The following SHROOM4 variants were observed in gnomAD, a reference collection of about 807,000 sequenced individuals.
SHROOM4 encodes shroom family member 4.
In SHROOM4, 17 loss-of-function variants were observed where a neutral mutation model predicts 80.3. That is an observed-to-expected ratio of 0.21 (90% confidence interval 0.14 to 0.32). The LOEUF (loss-of-function observed/expected upper bound fraction) is 0.32. SHROOM4 is among the 10% of genes least tolerant of loss of function. The pLI is 1.00. For synonymous variants in SHROOM4, 400 were observed against 437.5 expected (o/e 0.91, Z 1.07); for missense variants, 993 against 1,140.3 (o/e 0.87, Z 1.86).
intron 1 of SHROOM4, among the ~76,000 whole-genome samples, chrX:50,755,045 C>T (rs1241933719): frequency 1.8e-5 from 2 of 112,224 alleles, no homozygotes; most frequent in Admixed American, 9.4e-5. Flanking sequence ...GGCACAGTGC[C>T]TGGCACAGTT....
chrX:50,650,867 A>G (rs1932024429), intron 2 of SHROOM4, among the ~76,000 whole-genome samples: 1 of 111,998 alleles, frequency 8.9e-6, no homozygotes, highest in Non-Finnish European at 1.9e-5. Flanking sequence ...CTTTTTTTCC[A>G]CATAATTTTG....
intron 1 of SHROOM4, among the ~76,000 whole-genome samples, chrX:50,697,339 TCTA>T (rs1933397149): frequency 9.0e-6 from 1 of 111,450 alleles, no homozygotes; most frequent in Admixed American, 9.5e-5. Flanking sequence ...TTTTTACACT[TCTA>T]CTCTTGTTCC....
In SHROOM4 at chrX:50,734,711, G is replaced by A. The variant is rs782067302; in HGVS notation, c.118-38774C>T. ...ATTACAGGCATGAGCTGCTGTGCCC[G>A]GCCCCAGTCTCATCTTGAATTGTAG... On this transcript the variant is annotated intron_variant, in intron 1 of 8. Coordinates refer to ENST00000376020, the MANE Select transcript of SHROOM4 (RefSeq NM_020717.5). 7.2e-5 allele frequency among the ~76,000 whole-genome samples: 8 copies of A among 111,342 alleles called. No individual in the cohort carries two copies. In the South Asian group the frequency reaches 1.5e-3, roughly 21 times the overall value.
intron 2 of SHROOM4, among the ~76,000 whole-genome samples, chrX:50,656,491 C>A (rs1217035302): frequency 1.8e-5 from 2 of 111,845 alleles, no homozygotes; most frequent in African/African-American, 6.5e-5. Context: ...TTCATGACAC[C>A]ATTTACTGAA....
Position 50,690,535 on chromosome X carries a change from T to C in SHROOM4, c.269+5251A>G, listed in dbSNP as rs1304836142. Among the ~76,000 whole-genome samples the C allele has an allele frequency of 2.7e-5, 3 of 112,698 alleles. No homozygotes were observed. In the Admixed American group the frequency reaches 2.8e-4, roughly 11 times the overall value. On this transcript the variant is annotated intron_variant, in intron 2 of 8. Coordinates refer to ENST00000376020, the MANE Select transcript of SHROOM4 (RefSeq NM_020717.5). ...GTAAGTCATGATCTCATTTTTATTA[T>C]TGTTTGTTAGTCTGCTAGTGTTTCT... is the stretch of plus-strand genomic sequence containing the variant.
intron 1 of SHROOM4, among the ~76,000 whole-genome samples, chrX:50,801,843 T>C (rs1018874708): frequency 8.9e-6 from 1 of 112,125 alleles, no homozygotes; most frequent in Non-Finnish European, 1.9e-5. Context: ...AGCTATTTCA[T>C]GTTGTTAGAG....
chrX:50,793,473 T>C (rs1362346369), intron 1 of SHROOM4, among the ~76,000 whole-genome samples: 1 of 108,887 alleles, frequency 9.2e-6, no homozygotes. Context: ...GTTAGATGAA[T>C]GTAAAATTTT....
intron 7 of SHROOM4, 38 bp from the exon 8 acceptor site, chrX:50,598,573 T>C: frequency 8.5e-7 from 1 of 1,182,908 alleles, no homozygotes. Context: ...AGGATGAGAA[T>C]GGGGATCAAC....
At chrX:50,771,907 C>T (rs1935401549) in intron 1 of SHROOM4, among the ~76,000 whole-genome samples, 1 of 111,412 alleles carries the variant, frequency 9.0e-6, no homozygotes, top group African/African-American at 3.3e-5. Context: ...ACAGTGATAC[C>T]ATTAAAGTGA....
intron 7 of SHROOM4, among the ~76,000 whole-genome samples, chrX:50,599,697 T>G: frequency 9.0e-6 from 1 of 111,534 alleles, no homozygotes; most frequent in Non-Finnish European, 1.9e-5. Context: ...CAGTTCCACC[T>G]ACTCTTTATC....
intron 1 of SHROOM4, among the ~76,000 whole-genome samples, chrX:50,759,571 T>C (rs1557268686): frequency 8.9e-6 from 1 of 112,114 alleles, no homozygotes; most frequent in African/African-American, 3.2e-5. Context: ...CTAGTAATTA[T>C]CATATTATTG....
chrX:50,738,060 A>C (rs1602475372), intron 1 of SHROOM4, among the ~76,000 whole-genome samples: 2 of 111,540 alleles, frequency 1.8e-5, no homozygotes, highest in East Asian at 5.6e-4. Flanking sequence ...GCATATAAAC[A>C]GAACCAAAGA....
chrX:50,797,744 T>C (rs781918734), intron 1 of SHROOM4, among the ~76,000 whole-genome samples: 1 of 111,176 alleles, frequency 9.0e-6, no homozygotes, highest in Non-Finnish European at 1.9e-5. Flanking sequence ...GGAAGCCAGA[T>C]TGGAGAGGAT....
chrX:50,796,855 T>A (rs1557272161), intron 1 of SHROOM4, among the ~76,000 whole-genome samples: 2 of 110,069 alleles, frequency 1.8e-5, no homozygotes. Flanking sequence ...GCTAGCTGAG[T>A]GGGGAAGCCA....
chrX:50,754,965 C>A (rs1381674456), intron 1 of SHROOM4, among the ~76,000 whole-genome samples: 1 of 112,282 alleles, frequency 8.9e-6, no homozygotes, highest in African/African-American at 3.2e-5. Context: ...TTTTAACTCT[C>A]CATTCCTTCA....
intron 7 of SHROOM4, 88 bp downstream of exon 7, chrX:50,602,545 T>C (rs1929476552): frequency 2.1e-6 from 2 of 931,116 alleles, no homozygotes; most frequent in African/African-American, 3.9e-5. Context: ...GAATGCGAGA[T>C]GTTCTAGAGA....
At chrX:50,743,169 A>T (rs1259493726) in intron 1 of SHROOM4, among the ~76,000 whole-genome samples, 1 of 106,569 alleles carries the variant, frequency 9.4e-6, no homozygotes, top group Non-Finnish European at 1.9e-5. Context: ...TGGCACTACG[A>T]GATTCTCCAG....
intron 2 of SHROOM4, among the ~76,000 whole-genome samples, chrX:50,639,766 G>A (rs1238863269): frequency 1.8e-5 from 2 of 111,607 alleles, no homozygotes; most frequent in African/African-American, 6.5e-5. Context: ...GCTCTAGAGG[G>A]CTAAGGCCTA....
intron 2 of SHROOM4, among the ~76,000 whole-genome samples, chrX:50,648,866 A>C (rs1226571732): frequency 8.9e-6 from 1 of 112,387 alleles, no homozygotes; most frequent in Non-Finnish European, 1.9e-5. Context: ...ATAATCCAAT[A>C]AGCAAGAGAG....
Sources: gnomAD v4.1 joint callset for allele counts (sites outside exome capture counted in the v4.1 genomes callset) on GRCh38, gnomAD v4.1.1 for gene constraint, MANE v1.5 for transcripts, NCBI Gene and HGNC (gene_info 2026-07-23, HGNC 2026-07-21) for gene names.